Variants in RRP1 observed in about 807,000 individuals in gnomAD.
RRP1 encodes ribosomal RNA processing protein 1 homolog A.
RRP1 carries 37 observed loss-of-function variants against 54.6 expected under a neutral mutation model. The ratio of observed to expected loss-of-function variants is 0.68; its 90% CI spans 0.52 to 0.89. The LOEUF (loss-of-function observed/expected upper bound fraction) is 0.89, where lower values mean the gene tolerates loss of function less well. RRP1 is among the 40% of genes least tolerant of loss of function. RRP1 has a pLI of 0.00. For synonymous variants in RRP1, 262 were observed against 244.3 expected, an observed-to-expected ratio of 1.07 and a Z score of -0.67; for missense variants, 639 against 612.5, an observed-to-expected ratio of 1.04 and a Z score of -0.46.
At chr21:43,801,216 G>T (rs1683739106) in intron 11 of RRP1, among the ~76,000 whole-genome samples, 1 of 152,218 alleles carries the variant, frequency 6.6e-6, no homozygotes, top group South Asian at 2.1e-4. Flanking sequence ...GTGGCGGATG[G>T]AACTGGCATA....
Position 43,793,323 on chromosome 21 carries a change from C to A in RRP1, c.279C>A (p.His93Gln), listed in dbSNP as rs114296196. 696 of 1,614,194 alleles carry A rather than the reference C, an allele frequency of 4.3e-4. 3 individuals carry two copies. The African/African-American group carries it at 8.6e-3, about 20-fold the overall frequency. The stretch of plus-strand genomic sequence containing the variant: ...TCTGGCTTATTCCTTCTCCAGAGCA[C>A]CTGTTCCTTCAGGCCTTCTGGCAGA... ...VHAFQTTEAQ[H>Q]LFLQAFWQTM... is the part of the protein sequence containing the mutation. The change falls in exon 4 of 13, where the codon CAC (histidine) becomes CAA (glutamine). Residue 93 changes from histidine to glutamine, a missense_variant. By Grantham distance (24) the His-to-Gln change is conservative. Transcript: ENST00000497547.
At chr21:43,798,791 A>C (rs2085051597) in intron 8 of RRP1, among the ~76,000 whole-genome samples, 1 of 152,040 alleles carries the variant, frequency 6.6e-6, no homozygotes, top group Non-Finnish European at 1.5e-5. Flanking sequence ...CTGAGCTCTA[A>C]GTGTGGCATC....
At chr21:43,802,688 G>T (rs1465361999) in intron 12 of RRP1, among the ~76,000 whole-genome samples, 2 of 152,186 alleles carry the variant, frequency 1.3e-5, no homozygotes, top group African/African-American at 4.8e-5. Context: ...CTCCGTCTTA[G>T]ATCCAAGCCC....
At chr21:43,795,044 C>A in intron 4 of RRP1, 145 bp from the exon 5 acceptor site, 1 of 747,852 alleles carries the variant, frequency 1.3e-6, no homozygotes, top group Admixed American at 2.0e-5. Context: ...CTGTCAGCAG[C>A]TCTGGGGGCC....
At chr21:43,800,719 G>C in intron 10 of RRP1, 105 bp downstream of exon 10, 1 of 1,507,888 alleles carries the variant, frequency 6.6e-7, no homozygotes, top group Non-Finnish European at 9.1e-7. Context: ...CGCAGCCCCC[G>C]GGGTGATCCC....
chr21:43,801,788 A>G (rs2838383), intron 11 of RRP1, among the ~76,000 whole-genome samples: 7,890 of 152,276 alleles, frequency 0.052, 272 homozygotes, highest in South Asian at 0.15. Context: ...CGCCAGCATG[A>G]GCATTGTAGG....
intron 5 of RRP1, among the ~76,000 whole-genome samples, chr21:43,795,514 C>A (rs1601869024): frequency 1.3e-5 from 2 of 152,142 alleles, no homozygotes; most frequent in Non-Finnish European, 2.9e-5. Context: ...AGCCGAGGAG[C>A]TTCTTATAAA....
rs202035823 is a variant in RRP1, at chr21:43,797,951, T to C, written c.662T>C (p.Ile221Thr). Residue 221 changes from isoleucine (I) to threonine (T), a missense_variant, in exon 8 of 13, where the codon ATT becomes ACT. Coordinates refer to ENST00000497547, the MANE Select transcript of RRP1 (RefSeq NM_003683.6). ...ATCACTCGAGGCATCTTTGAGACGA[T>C]TGTGGAGCAGGCCCCGCTTGCCATT... ...NNITRGIFETIVEQAPLAIED... is the reference protein window; with the variant it reads ...NNITRGIFETTVEQAPLAIED... 12 of 1,614,156 alleles carry C rather than the reference T, an allele frequency of 7.4e-6. No homozygotes were observed. Among genetic ancestry groups the C allele is most frequent in the Non-Finnish European group, 1.0e-5 (12 of 1,180,010 alleles).
chr21:43,795,161 C>T (rs1187182225), intron 4 of RRP1, 28 bp from the exon 5 acceptor site: 3 of 1,609,026 alleles, frequency 1.9e-6, no homozygotes, highest in Non-Finnish European at 2.6e-6. Context: ...TGGGCTTCTG[C>T]TAATGCCAAC....
chr21:43,797,491 T>G lies in RRP1; in HGVS notation c.492T>G (p.Gly164=), dbSNP rs772076178. Residue 164 remains glycine (G), a synonymous_variant, in exon 6 of 13, where the codon GGT becomes GGG. Coordinates refer to ENST00000497547, the MANE Select transcript of RRP1 (RefSeq NM_003683.6). ...ACCCCAGCAGCCAGGCCCCCAACGG[T>G]GTGAAGAGCCACTTCATCGAGATCT... ...ILHPSSQAPN[G]VKSHFIEIFL... is the part of the protein sequence containing the mutation. The G allele has an allele frequency of 6.2e-7, 1 of 1,613,568 alleles. No individual in the cohort carries two copies.
At chr21:43,792,987 A>C (rs2084976164) in intron 3 of RRP1, 1 of 564,160 alleles carries the variant, frequency 1.8e-6, no homozygotes, top group Admixed American at 3.4e-5. Context: ...AAATAAAGTG[A>C]AAAGCCAGGA....
chr21:43,802,367 T>C lies in RRP1; in HGVS notation c.1103T>C (p.Leu368Pro), dbSNP rs1202278717. Residue 368 changes from leucine to proline, a missense_variant, in exon 12 of 13, where the codon CTC becomes CCC. Physicochemically the swap from Leu to Pro is moderately conservative, Grantham distance 98. Transcript: ENST00000497547. ...QKKTKKQKRL[L>P]RLQQERGKGE... Reference sequence around the variant, plus strand: ...AAGACGAAGAAGCAGAAGCGTCTGCTCAGGTTGCAGCAGGAGAGAGGTAGG... The same window carrying C: ...AAGACGAAGAAGCAGAAGCGTCTGCCCAGGTTGCAGCAGGAGAGAGGTAGG... The C allele has an allele frequency of 1.1e-5, 17 of 1,613,898 alleles. No homozygotes were observed. The highest frequency in any genetic ancestry group is 1.4e-5 in the Non-Finnish European group (16 of 1,179,954).
chr21:43,799,563 G>A lies in RRP1; in HGVS notation c.812-7G>A, dbSNP rs374159925. 1.2e-6 allele frequency: 2 copies of A among 1,610,002 alleles called. No individual in the cohort carries two copies. Among genetic ancestry groups the A allele is most frequent in the African/African-American group, 2.7e-5 (2 of 74,580 alleles). On this transcript the variant is annotated splice_polypyrimidine_tract_variant and splice_region_variant and intron_variant, in intron 8 of 12. Transcript: ENST00000497547. ...AGGTAGGGTTCACGGGGTCCCTTTT[G>A]TTCCAGGCTCCATCTGCAGGGCTGA...
Position 43,798,666 on chromosome 21 carries a change from G to C in RRP1, c.811+566G>C, listed in dbSNP as rs79536883. Among the ~76,000 whole-genome samples the C allele has an allele frequency of 7.7e-3, 1,172 of 152,104 alleles. 16 individuals are homozygous for C. The highest frequency in any genetic ancestry group is 0.027 in the African/African-American group (1,129 of 41,498). On this transcript the variant is annotated intron_variant, in intron 8 of 12. Transcript: ENST00000497547. ...TGTGTGCAGTGTGTGTGAGGGGCAG[G>C]TGTACTCACCTGCCCCTCACTGCCT...
Position 43,792,668 on chromosome 21 carries a change from A to G in RRP1, c.217-4A>G, listed in dbSNP as rs754555715. On this transcript the variant is annotated splice_region_variant and splice_polypyrimidine_tract_variant and intron_variant, in intron 2 of 12. Transcript: ENST00000497547. Reference sequence around the variant, plus strand: ...TGAGGGCGTTTTTGTTGTTTCCTACACAGGAAGAATTAGGAAGGACTATTT... The same window carrying G: ...TGAGGGCGTTTTTGTTGTTTCCTACGCAGGAAGAATTAGGAAGGACTATTT... 1.5e-4 allele frequency: 248 copies of G among 1,614,034 alleles called. No homozygotes were observed. Among genetic ancestry groups the G allele is most frequent in the Middle Eastern group, 9.9e-4 (6 of 6,082 alleles).
rs760947141 is a variant in RRP1 at position 43,800,544 on chromosome 21, CTG to C, written c.921_922del (p.Phe308Ter). On this transcript the variant is annotated frameshift_variant, in exon 10 of 13. Transcript: ENST00000497547. LOFTEE classifies it high-confidence loss of function. ...TGACTACGAGGCAGTTGCTAACAGA[CTG>C]TTTGAAATGGCCAGCCGCCAGAGCA... ...QFDYEAVANRLFEMASRQSTP... is the reference protein window; with the variant it reads ...QFDYEAVANRXFEMASRQSTP... 1.2e-6 allele frequency: 2 copies of C among 1,614,152 alleles called. No individual in the cohort carries two copies.
chr21:43,793,447 G>T (rs1035816366), intron 4 of RRP1, 43 bp downstream of exon 4: 3 of 1,554,242 alleles, frequency 1.9e-6, no homozygotes, highest in Non-Finnish European at 8.8e-7. Flanking sequence ...GGCAGCGCGG[G>T]TCTCAGTGCC....
chr21:43,790,407 G>A (rs1448913893), intron 1 of RRP1: 1 of 152,896 alleles, frequency 6.5e-6, no homozygotes, highest in Admixed American at 6.5e-5. Context: ...CAAAAGAAAA[G>A]AAAGAAATGC....
intron 7 of RRP1, 93 bp from the exon 8 acceptor site, chr21:43,797,814 T>A: frequency 6.4e-7 from 1 of 1,558,536 alleles, no homozygotes. Context: ...CCGCTGGCCG[T>A]GTGGGTGGGG....
Sources: allele counts gnomAD v4.1 joint callset (sites outside exome capture counted in the v4.1 genomes callset), GRCh38; gene constraint gnomAD v4.1.1; transcripts MANE v1.5; gene names NCBI Gene and HGNC (gene_info 2026-07-23, HGNC 2026-07-21).